RAD18: variants seen among roughly 807,000 people sequenced by gnomAD.
RAD18 encodes the protein E3 ubiquitin-protein ligase RAD18.
RAD18 carries 47 observed loss-of-function variants against 60.4 expected under a neutral mutation model. That is an observed-to-expected ratio of 0.78 (90% confidence interval 0.62 to 0.99). RAD18 has a LOEUF of 0.99. Ranked by LOEUF, RAD18 falls within the 50% of genes least tolerant of loss-of-function variation. The pLI, the probability that RAD18 is intolerant of heterozygous loss-of-function variation, is 0.00. For missense variants in RAD18, 640 were observed against 593.3 expected, an observed-to-expected ratio of 1.08 and a Z score of -0.82; for synonymous variants, 225 against 195.5, an observed-to-expected ratio of 1.15 and a Z score of -1.26.
intron 8 of RAD18, among the ~76,000 whole-genome samples, chr3:8,913,190 C>T (rs1301094687): frequency 6.6e-6 from 1 of 152,174 alleles, no homozygotes; most frequent in Middle Eastern, 3.2e-3. Context: ...TGATTCCCTC[C>T]AAAGCTCAAG....
chr3:8,962,213 G>A (rs1364873453), intron 1 of RAD18, among the ~76,000 whole-genome samples: 1 of 152,176 alleles, frequency 6.6e-6, no homozygotes, highest in African/African-American at 2.4e-5. Flanking sequence ...GCTCAGAGAG[G>A]TTAAGTTACT....
At chr3:8,963,205 A>G (rs1941118135) in intron 1 of RAD18, 130 bp downstream of exon 1, 1 of 1,045,822 alleles carries the variant, frequency 9.6e-7, no homozygotes, top group Non-Finnish European at 1.4e-6. Flanking sequence ...GGCAGGGCAG[A>G]GCCGGATACC....
chr3:8,912,159 C>T (rs1940115016), intron 9 of RAD18, among the ~76,000 whole-genome samples, 153 bp downstream of exon 9: 2 of 152,128 alleles, frequency 1.3e-5, no homozygotes, highest in African/African-American at 2.4e-5. Flanking sequence ...AAAAAAGTCA[C>T]TAAGTAAACA....
At chr3:8,950,105 A>G (rs1940904877) in intron 2 of RAD18, among the ~76,000 whole-genome samples, 1 of 152,084 alleles carries the variant, frequency 6.6e-6, no homozygotes, top group South Asian at 2.1e-4. Context: ...ATCTCGGCTC[A>G]ATGCAACCTC....
In RAD18 at chr3:8,878,859, T is replaced by C. The variant is rs1939410490; in HGVS notation, c.*2498A>G. ...TATAACTTTGAGGGGAGTGAGGAGG[T>C]AGAAAGAGTTAATAACTCTGAATTA... On this transcript the variant is annotated 3_prime_UTR_variant, in exon 13 of 13. Transcript: ENST00000264926. 1 of 152,098 alleles carries C rather than the reference T, an allele frequency of 6.6e-6. No homozygotes were observed. Among genetic ancestry groups the C allele is most frequent in the African/African-American group, 2.4e-5 (1 of 41,414 alleles). The allele number at this position is 152,098 out of a possible 1,614,324, so 9.4% of individuals were successfully genotyped here.
At position 8,963,418 on chromosome 3, in the gene RAD18, C is replaced by T. The variant is rs34927291; in HGVS notation, c.-33G>A. ...CCCGAGGATGCTGGGGGTCAGCCAC[C>T]CACTAGCCTCCGGCGCTCCAACACC... is the stretch of plus-strand genomic sequence containing the variant. On this transcript the variant is annotated 5_prime_UTR_variant, in exon 1 of 13. Coordinates refer to ENST00000264926, the MANE Select transcript of RAD18 (RefSeq NM_020165.4). 57,763 of 1,561,518 alleles carry T rather than the reference C, an allele frequency of 0.037. 1,737 individuals carry two copies. Among genetic ancestry groups the T allele is most frequent in the African/African-American group, 0.15 (11,178 of 72,954 alleles).
At chr3:8,915,381 G>A (rs1940181282) in intron 7 of RAD18, among the ~76,000 whole-genome samples, 1 of 152,106 alleles carries the variant, frequency 6.6e-6, no homozygotes, top group East Asian at 1.9e-4. Context: ...AAAGATGAGT[G>A]CCTTAGAAGA....
intron 4 of RAD18, among the ~76,000 whole-genome samples, chr3:8,943,255 A>T (rs1940785227): frequency 6.6e-6 from 1 of 152,162 alleles, no homozygotes; most frequent in South Asian, 2.1e-4. Flanking sequence ...GAGATAAAAT[A>T]TTCAATAGAA....
At chr3:8,888,243 T>C (rs941581875) in intron 12 of RAD18, among the ~76,000 whole-genome samples, 4 of 152,200 alleles carry the variant, frequency 2.6e-5, no homozygotes, top group African/African-American at 9.7e-5. Context: ...TGAAACAAGT[T>C]TTCCTGAGCC....
chr3:8,938,364 T>C (rs1265730057), intron 6 of RAD18, among the ~76,000 whole-genome samples: 2 of 152,156 alleles, frequency 1.3e-5, no homozygotes. Flanking sequence ...AATTTACTCA[T>C]AAAAATTAAG....
At chr3:8,926,605 A>T (rs751742176) in intron 7 of RAD18, among the ~76,000 whole-genome samples, 11 of 152,262 alleles carry the variant, frequency 7.2e-5, no homozygotes, top group Admixed American at 4.6e-4. Context: ...TGCCAAGTCA[A>T]TCCTAAGCCA....
rs1027954551 is a variant in RAD18, at chr3:8,878,631, T to C, written c.*2726A>G. On this transcript the variant is annotated 3_prime_UTR_variant, in exon 13 of 13. Transcript: ENST00000264926. ...TTTTTAAAGGCATACCTCCCTCTAT[T>C]ATATACATGGTCTTATGTGTATGAA... The C allele has an allele frequency of 7.2e-5, 11 of 152,212 alleles. No individual in the cohort carries two copies. Among genetic ancestry groups the C allele is most frequent in the Non-Finnish European group, 8.8e-5 (6 of 68,042 alleles). The allele number at this position is 152,212 out of a possible 1,614,324, so 9.4% of individuals were successfully genotyped here. A position where few individuals can be genotyped will look rare whatever the true frequency, so the allele number is the denominator to read the frequency against.
chr3:8,911,597 G>A (rs1179290458), intron 9 of RAD18, among the ~76,000 whole-genome samples: 1 of 24,022 alleles, frequency 4.2e-5, no homozygotes, highest in African/African-American at 8.8e-5. Context: ...TACATCCAGC[G>A]CAGGTGTGCT....
chr3:8,935,090 G>A (rs1000058482), intron 7 of RAD18, among the ~76,000 whole-genome samples: 13 of 152,160 alleles, frequency 8.5e-5, no homozygotes, highest in African/African-American at 3.1e-4. Flanking sequence ...TAGGGCTTTT[G>A]GGACGCTGGT....
chr3:8,935,469 G>C (rs1940632611), intron 7 of RAD18, among the ~76,000 whole-genome samples: 1 of 152,160 alleles, frequency 6.6e-6, no homozygotes, highest in African/African-American at 2.4e-5. Flanking sequence ...TCAACATTAT[G>C]AAGTGGGTAG....
At chr3:8,890,338 A>T (rs1244700328) in intron 12 of RAD18, 51 bp downstream of exon 12, 2 of 1,378,906 alleles carry the variant, frequency 1.5e-6, no homozygotes, top group Non-Finnish European at 2.1e-6. Context: ...GCATAGAAGT[A>T]TAATTTCTCA....
chr3:8,881,767 A>G (rs1395279378), intron 12 of RAD18, among the ~76,000 whole-genome samples: 3 of 152,224 alleles, frequency 2.0e-5, no homozygotes, highest in Non-Finnish European at 4.4e-5. Context: ...CCATCCTAAC[A>G]AGAAAAAGCC....
At chr3:8,908,100 G>C (rs1271148942) in intron 9 of RAD18, among the ~76,000 whole-genome samples, 5 of 152,122 alleles carry the variant, frequency 3.3e-5, no homozygotes, top group Admixed American at 3.3e-4. Context: ...TCTTTTCCAA[G>C]ACCCTGCCAC....
intron 9 of RAD18, among the ~76,000 whole-genome samples, chr3:8,911,508 G>A (rs1940104809): frequency 6.6e-6 from 1 of 152,124 alleles, no homozygotes; most frequent in Non-Finnish European, 1.5e-5. Flanking sequence ...GAACAATGGT[G>A]ACTTTTGTTG....
Sources: gnomAD v4.1 joint callset for allele counts (sites outside exome capture counted in the v4.1 genomes callset) on GRCh38, gnomAD v4.1.1 for gene constraint, MANE v1.5 for transcripts, NCBI Gene and HGNC (gene_info 2026-07-23, HGNC 2026-07-21) for gene names.